The following NKAIN3 variants were observed in gnomAD, a reference collection of about 807,000 sequenced individuals.
The protein encoded by NKAIN3 is sodium/potassium transporting ATPase interacting 3.
Under a neutral mutation model 30.2 loss-of-function variants are expected in NKAIN3, and 25 were observed. That is an observed-to-expected ratio of 0.83 (90% CI 0.60 to 1.16). The LOEUF (loss-of-function observed/expected upper bound fraction) is 1.16, where lower values mean the gene tolerates loss of function less well. Among genes scored for constraint, NKAIN3 ranks in the 50% most tolerant of loss-of-function variants. The pLI is 0.00. For missense variants in NKAIN3, 225 were observed against 254.1 expected, an observed-to-expected ratio of 0.89 and a Z score of 0.78; for synonymous variants, 91 against 89.6, an observed-to-expected ratio of 1.02 and a Z score of -0.09.
chr8:62,852,663 T>G (rs941623043), intron 4 of NKAIN3, among the ~76,000 whole-genome samples: 1 of 152,200 alleles, frequency 6.6e-6, no homozygotes, highest in East Asian at 1.9e-4. Context: ...GTCTTTGTTC[T>G]CGTTGGTTTC....
chr8:62,528,286 G>GAT lies in NKAIN3; in HGVS notation c.55-51240_55-51239dup, dbSNP rs1175948640. Among the ~76,000 whole-genome samples, 514 of 104,080 alleles carry GAT rather than the reference G, an allele frequency of 4.9e-3. 2 individuals are homozygous for GAT. Among genetic ancestry groups the GAT allele is most frequent in the African/African-American group, 0.017 (454 of 26,134 alleles). The allele number at this position is 104,080 out of a possible 152,430, so 68.3% of individuals were successfully genotyped here. ...TGAAAGCCTACCTATTTGGTATTGT[G>GAT]ATATATATATATATTATATTATATA... is the stretch of plus-strand genomic sequence containing the variant. On this transcript the variant is annotated intron_variant, in intron 1 of 6. Coordinates refer to ENST00000623646, the MANE Select transcript of NKAIN3 (RefSeq NM_001304533.3).
At chr8:62,990,446 A>G (rs899447514) in intron 5 of NKAIN3, 5 of 881,806 alleles carry the variant, frequency 5.7e-6, no homozygotes, top group Admixed American at 9.3e-5. Context: ...ATTGATTCCT[A>G]AAGATTGCCA....
At chr8:62,330,858 C>T (rs531339582) in intron 1 of NKAIN3, among the ~76,000 whole-genome samples, 5 of 152,040 alleles carry the variant, frequency 3.3e-5, no homozygotes, top group Non-Finnish European at 4.4e-5. Context: ...CTACCAGGCC[C>T]ATTCAAAACA....
chr8:62,306,008 T>A (rs1414707311), intron 1 of NKAIN3, among the ~76,000 whole-genome samples: 1 of 150,512 alleles, frequency 6.6e-6, no homozygotes, highest in Non-Finnish European at 1.5e-5. Flanking sequence ...GCTTTCAGTG[T>A]ATTCCATTTT....
intron 1 of NKAIN3, among the ~76,000 whole-genome samples, chr8:62,414,168 A>G (rs1257720109): frequency 3.3e-5 from 5 of 152,160 alleles, no homozygotes; most frequent in Non-Finnish European, 7.4e-5. Flanking sequence ...TATCTACCTT[A>G]TGCCTGCATT....
chr8:62,478,257 T>C (rs1459891354), intron 1 of NKAIN3, among the ~76,000 whole-genome samples: 1 of 152,170 alleles, frequency 6.6e-6, no homozygotes, highest in Non-Finnish European at 1.5e-5. Context: ...AGCTAGTTAG[T>C]AGTTGCTCCA....
At chr8:62,480,119 A>G (rs907640801) in intron 1 of NKAIN3, among the ~76,000 whole-genome samples, 2 of 152,160 alleles carry the variant, frequency 1.3e-5, no homozygotes, top group Non-Finnish European at 1.5e-5. Context: ...TTCATCTTAT[A>G]ACTGAAGGTT....
intron 4 of NKAIN3, among the ~76,000 whole-genome samples, chr8:62,869,387 C>A (rs1820521701): frequency 1.3e-5 from 2 of 152,140 alleles, no homozygotes. Flanking sequence ...CATGTGTTCT[C>A]ATTGTTCAAC....
chr8:62,606,132 T>C (rs1438715535), intron 3 of NKAIN3, among the ~76,000 whole-genome samples: 2 of 152,116 alleles, frequency 1.3e-5, no homozygotes, highest in African/African-American at 4.8e-5. Context: ...TACCCTCTTT[T>C]CTCAGATTGT....
intron 4 of NKAIN3, among the ~76,000 whole-genome samples, chr8:62,799,695 T>C (rs1054817456): frequency 3.3e-5 from 5 of 152,146 alleles, no homozygotes; most frequent in African/African-American, 1.2e-4. Flanking sequence ...CCACTACTAC[T>C]TATCTACCCA....
At chr8:62,990,181 G>T (rs752545086) in intron 5 of NKAIN3, 2 of 1,400,786 alleles carry the variant, frequency 1.4e-6, no homozygotes, top group Admixed American at 3.8e-5. Context: ...CATGTGATCT[G>T]CAAGTATGCA....
At chr8:62,301,720 G>C in intron 1 of NKAIN3, among the ~76,000 whole-genome samples, 1 of 151,960 alleles carries the variant, frequency 6.6e-6, no homozygotes, top group Non-Finnish European at 1.5e-5. Flanking sequence ...ACACAAATAG[G>C]TTTCTGAAAT....
intron 1 of NKAIN3, among the ~76,000 whole-genome samples, chr8:62,459,488 G>A (rs1805923870): frequency 1.3e-5 from 2 of 152,178 alleles, no homozygotes; most frequent in South Asian, 4.1e-4. Context: ...TCTAAGCACT[G>A]TGGATGCAGC....
Position 62,310,186 on chromosome 8 carries a change from GA to G in NKAIN3, c.54+61063del, listed in dbSNP as rs534981391. On this transcript the variant is annotated intron_variant, in intron 1 of 6. Coordinates refer to ENST00000623646, the MANE Select transcript of NKAIN3 (RefSeq NM_001304533.3). ...AGACAATAACATGCTGAAATGGGAG[GA>G]AAACTTGAAGTGAAACTTCAGTTGA... Among the ~76,000 whole-genome samples the G allele has an allele frequency of 6.2e-4, 93 of 150,282 alleles. 9 individuals carry two copies. The highest frequency in any genetic ancestry group is 2.2e-3 in the African/African-American group (88 of 39,772).
intron 4 of NKAIN3, among the ~76,000 whole-genome samples, chr8:62,802,340 A>G (rs980295166): frequency 2.0e-5 from 3 of 152,206 alleles, no homozygotes; most frequent in African/African-American, 7.2e-5. Context: ...AGTTGAAATG[A>G]AGGAAAAAAT....
intron 3 of NKAIN3, among the ~76,000 whole-genome samples, chr8:62,671,655 GGT>G (rs913902643): frequency 1.3e-5 from 2 of 151,916 alleles, no homozygotes; most frequent in African/African-American, 4.8e-5. Context: ...ATTAGATTGG[GGT>G]GTGTGTGTGC....
chr8:62,536,042 A>T (rs1387508678), intron 1 of NKAIN3, among the ~76,000 whole-genome samples: 2 of 152,198 alleles, frequency 1.3e-5, no homozygotes, highest in African/African-American at 4.8e-5. Context: ...TATGTCATAT[A>T]TGTATATACA....
At chr8:62,297,380 C>G (rs971589527) in intron 1 of NKAIN3, among the ~76,000 whole-genome samples, 41 of 151,972 alleles carry the variant, frequency 2.7e-4, no homozygotes, top group Non-Finnish European at 1.5e-4. Flanking sequence ...TCAGAGTGAA[C>G]AGGCAACCTA....
intron 4 of NKAIN3, among the ~76,000 whole-genome samples, chr8:62,882,341 C>T (rs184066767): frequency 2.1e-4 from 32 of 152,036 alleles, no homozygotes; most frequent in East Asian, 7.7e-4. Flanking sequence ...TTTTTTGAGA[C>T]GGAAGCTCGC....
Sources: gnomAD v4.1 joint callset for allele counts (sites outside exome capture counted in the v4.1 genomes callset) on GRCh38, gnomAD v4.1.1 for gene constraint, MANE v1.5 for transcripts, NCBI Gene and HGNC (gene_info 2026-07-23, HGNC 2026-07-21) for gene names.